The following GK5 variants were observed in gnomAD, a reference collection of about 807,000 sequenced individuals.
GK5 encodes the protein glycerol kinase 5, also known as ATP:glycerol 3-phosphotransferase 5.
A neutral mutation model predicts 77.3 loss-of-function variants in GK5; 39 were observed. The observed-to-expected ratio is 0.50, with a 90% CI of 0.39 to 0.66. The LOEUF is 0.66. Among genes scored for constraint, GK5 ranks in the 30% least tolerant of loss-of-function variants. GK5 has a pLI of 0.00. For synonymous variants in GK5, 211 were observed against 208.0 expected, an observed-to-expected ratio of 1.01 and a Z score of -0.13; for missense variants, 487 against 633.8, an observed-to-expected ratio of 0.77 and a Z score of 2.49.
At position 142,209,011 on chromosome 3, in the gene GK5, C is replaced by T. The variant is rs185299748; in HGVS notation, c.318-4223G>A. ...AAAAATACAAAAAATTAGCCGAGCG[C>T]GGTGGCGGGCACCTGTAGTCCCAGC... is the stretch of plus-strand genomic sequence containing the variant. On this transcript the variant is annotated intron_variant, in intron 3 of 15. Coordinates refer to ENST00000392993, the MANE Select transcript of GK5 (RefSeq NM_001039547.3). 1.5e-3 allele frequency among the ~76,000 whole-genome samples: 232 copies of T among 152,000 alleles called. 1 individual carries two copies. The Middle Eastern group carries it at 0.017, about 11-fold the overall frequency.
chr3:142,180,330 T>G (rs2063677742), intron 11 of GK5, among the ~76,000 whole-genome samples: 1 of 151,628 alleles, frequency 6.6e-6, no homozygotes, highest in East Asian at 1.9e-4. Flanking sequence ...GAGACGGAGT[T>G]TTGCTCTTGT....
chr3:142,157,615 GA>G lies in GK5; in HGVS notation c.*8006del. 1 of 152,140 alleles carries G rather than the reference GA, an allele frequency of 6.6e-6. No homozygotes were observed. The highest frequency in any genetic ancestry group is 1.5e-5 in the Non-Finnish European group (1 of 68,038). 9.4% of individuals were successfully genotyped at this position (152,140 alleles called of 1,614,324 possible). Reference sequence around the variant, plus strand: ...AAATAATTTTAGATTATAATTTTCAGAAAGGATTTTTAACATCTGCTAGGCT... The same window carrying G: ...AAATAATTTTAGATTATAATTTTCAGAAGGATTTTTAACATCTGCTAGGCT... On this transcript the variant is annotated 3_prime_UTR_variant, in exon 16 of 16. Coordinates refer to ENST00000392993, the MANE Select transcript of GK5 (RefSeq NM_001039547.3).
chr3:142,211,461 T>G (rs374194010), intron 3 of GK5, among the ~76,000 whole-genome samples: 11 of 151,984 alleles, frequency 7.2e-5, no homozygotes, highest in African/African-American at 2.7e-4. Context: ...GAACTGCAGA[T>G]GTAGGCATCA....
rs537157950 is a variant in GK5, at chr3:142,213,417, G to A, written c.317+109C>T. ...CACATTTCATCCCTCTTAACCAAAC[G>A]AAACTATTCTCAATTCAGAAAGTTA... On this transcript the variant is annotated intron_variant, in intron 3 of 15. Coordinates refer to ENST00000392993, the MANE Select transcript of GK5 (RefSeq NM_001039547.3). 71 of 748,298 alleles carry A rather than the reference G, an allele frequency of 9.5e-5. No homozygotes were observed. The African/African-American group carries it at 1.0e-3, about 11-fold the overall frequency. The allele number at this position is 748,298 out of a possible 1,614,324, so 46.4% of individuals were successfully genotyped here.
chr3:142,186,021 C>T (rs373050622), intron 8 of GK5, 32 bp from the exon 9 acceptor site: 16 of 1,515,074 alleles, frequency 1.1e-5, no homozygotes, highest in African/African-American at 4.2e-5. Flanking sequence ...AAGTTAGTTA[C>T]AGCTCTAGAA....
chr3:142,183,165 T>C, intron 9 of GK5, 116 bp from the exon 10 acceptor site: 2 of 954,224 alleles, frequency 2.1e-6, no homozygotes, highest in South Asian at 4.0e-5. Context: ...CTTTTTCCTT[T>C]TCCTTAAAAT....
intron 4 of GK5, 89 bp from the exon 5 acceptor site, chr3:142,199,022 A>G (rs1454068298): frequency 4.5e-6 from 4 of 892,216 alleles, no homozygotes; most frequent in Middle Eastern, 2.6e-4. Context: ...AACAAACCCA[A>G]TAACAAGTCA....
At chr3:142,174,872 G>T (rs1403541556) in intron 12 of GK5, among the ~76,000 whole-genome samples, 1 of 152,184 alleles carries the variant, frequency 6.6e-6, no homozygotes, top group Non-Finnish European at 1.5e-5. Flanking sequence ...ATCAATGGGG[G>T]AACTGAAGCT....
rs1038874742 is a variant in GK5 at position 142,171,346 on chromosome 3, G to C, written c.1307+73C>G. 2.3e-6 allele frequency: 3 copies of C among 1,288,920 alleles called. No individual in the cohort carries two copies. In the Admixed American group the frequency reaches 1.0e-4, roughly 45 times the overall value. 79.8% of individuals were successfully genotyped at this position (1,288,920 alleles called of 1,614,324 possible). A position where few individuals can be genotyped will look rare whatever the true frequency, so the allele number is the denominator to read the frequency against. On this transcript the variant is annotated intron_variant, in intron 14 of 15. Transcript: ENST00000392993. ...ATTATTCAGGATCTAAAAAAGAAAT[G>C]AGTGGTAGCTCATAGCAGCTACCAC... is the stretch of plus-strand genomic sequence containing the variant.
intron 9 of GK5, chr3:142,185,291 T>C: frequency 3.3e-6 from 1 of 306,676 alleles, no homozygotes; most frequent in Middle Eastern, 1.6e-3. Context: ...CACACACCTG[T>C]GGTCTTGGCT....
Position 142,167,273 on chromosome 3 carries a change from C to G in GK5, c.1442-1503G>C, listed in dbSNP as rs1194201882. Among the ~76,000 whole-genome samples the G allele has an allele frequency of 2.0e-5, 3 of 151,944 alleles. No homozygotes were observed. In the East Asian group the frequency reaches 5.8e-4, roughly 29 times the overall value. On this transcript the variant is annotated intron_variant, in intron 15 of 15. Coordinates refer to ENST00000392993, the MANE Select transcript of GK5 (RefSeq NM_001039547.3). The stretch of plus-strand genomic sequence containing the variant: ...CCTATAGTCTCAGCTACTTAGGAGG[C>G]TGAAGCACGAGAATCACTTGAGCCC...
chr3:142,217,657 C>T (rs1184578433), intron 1 of GK5, among the ~76,000 whole-genome samples: 2 of 152,130 alleles, frequency 1.3e-5, no homozygotes, highest in Non-Finnish European at 2.9e-5. Context: ...CCTATATATT[C>T]AAGAGGCTCA....
intron 11 of GK5, among the ~76,000 whole-genome samples, chr3:142,179,894 C>T (rs2063669671): frequency 6.6e-6 from 1 of 152,088 alleles, no homozygotes; most frequent in Non-Finnish European, 1.5e-5. Flanking sequence ...ATATTCCTGG[C>T]CTAGACTCAG....
intron 1 of GK5, among the ~76,000 whole-genome samples, chr3:142,219,068 T>G (rs1174836803): frequency 6.6e-6 from 1 of 152,210 alleles, no homozygotes; most frequent in Admixed American, 6.5e-5. Flanking sequence ...ATACCAAGTA[T>G]TGATGAGGAT....
chr3:142,188,171 T>G (rs2063799895), intron 5 of GK5, among the ~76,000 whole-genome samples: 1 of 151,892 alleles, frequency 6.6e-6, no homozygotes, highest in African/African-American at 2.4e-5. Flanking sequence ...CCGAAGCAGG[T>G]GGATCACCTA....
chr3:142,166,131 C>G (rs2063470662), intron 15 of GK5, among the ~76,000 whole-genome samples: 1 of 152,136 alleles, frequency 6.6e-6, no homozygotes, highest in Admixed American at 6.5e-5. Context: ...TGCCTGCAAT[C>G]CCAGTGCTTT....
At chr3:142,189,591 G>A (rs1045452837) in intron 5 of GK5, among the ~76,000 whole-genome samples, 1 of 152,090 alleles carries the variant, frequency 6.6e-6, no homozygotes, top group African/African-American at 2.4e-5. Context: ...AAATATTTAT[G>A]AGTCAGGGCC....
intron 3 of GK5, among the ~76,000 whole-genome samples, chr3:142,207,716 G>A (rs2064130074): frequency 6.6e-6 from 1 of 152,166 alleles, no homozygotes; most frequent in African/African-American, 2.4e-5. Flanking sequence ...AGGACCAGAA[G>A]GCGGTGACCC....
At chr3:142,223,741 G>A (rs2064388370) in intron 1 of GK5, among the ~76,000 whole-genome samples, 1 of 152,244 alleles carries the variant, frequency 6.6e-6, no homozygotes, top group Non-Finnish European at 1.5e-5. Flanking sequence ...AGGAGGCTGA[G>A]GCAGGAGACT....
Sources: allele counts gnomAD v4.1 joint callset (sites outside exome capture counted in the v4.1 genomes callset), GRCh38; gene constraint gnomAD v4.1.1; transcripts MANE v1.5; gene names NCBI Gene and HGNC (gene_info 2026-07-23, HGNC 2026-07-21).